Variants in MACF1 observed in about 807,000 individuals in gnomAD.
The protein encoded by MACF1 is microtubule-actin cross-linking factor 1.
MACF1 carries 193 observed loss-of-function variants against 854.8 expected under a neutral mutation model. The observed-to-expected ratio is 0.23, with a 90% CI of 0.20 to 0.25. The LOEUF (loss-of-function observed/expected upper bound fraction) is 0.25, where lower values mean the gene tolerates loss of function less well. Among genes scored for constraint, MACF1 ranks in the 10% least tolerant of loss-of-function variants. The pLI is 1.00. For synonymous variants in MACF1, 3,185 were observed against 3,226.7 expected, an observed-to-expected ratio of 0.99 and a Z score of 0.44; for missense variants, 7,722 against 8,929.1, an observed-to-expected ratio of 0.86 and a Z score of 5.45.
chr1:39,101,666 TA>T (rs1007357336), intron 2 of MACF1, among the ~76,000 whole-genome samples: 1 of 146,114 alleles, frequency 6.8e-6, no homozygotes, highest in Non-Finnish European at 1.5e-5. Context: ...CTACTAAAAA[TA>T]AAAAAAATTA....
chr1:39,186,169 CATCTCTCTCTCT>C lies in MACF1; in HGVS notation c.221-45012_221-45001del, dbSNP rs1644165653. On this transcript the variant is annotated intron_variant, in intron 2 of 93. Transcript: ENST00000361689. ...TCCATGTGGGGGCTGGGATTCTGAA[CATCTCTCTCTCT>C]CTCTCTCTCTCTCTCTCTCTCTCTC... is the stretch of plus-strand genomic sequence containing the variant. Among the ~76,000 whole-genome samples the C allele has an allele frequency of 4.9e-5, 3 of 61,658 alleles. 1 individual carries two copies. Among genetic ancestry groups the C allele is most frequent in the African/African-American group, 5.5e-5 (1 of 18,092 alleles). The allele number at this position is 61,658 out of a possible 152,430, so 40.5% of individuals were successfully genotyped here.
At chr1:39,448,286 G>C in intron 83 of MACF1, 134 bp downstream of exon 83, 1 of 1,046,524 alleles carries the variant, frequency 9.6e-7, no homozygotes. Context: ...GATGAAGCCA[G>C]GGTTCCATTT....
intron 91 of MACF1, 91 bp downstream of exon 91, chr1:39,459,340 T>C: frequency 7.5e-6 from 10 of 1,333,970 alleles, no homozygotes; most frequent in Non-Finnish European, 1.0e-5. Flanking sequence ...GTGAACCTTG[T>C]GTCTTAATTT....
At chr1:39,481,444 G>T (rs1645009775) in intron 99 of MACF1, among the ~76,000 whole-genome samples, 1 of 152,210 alleles carries the variant, frequency 6.6e-6, no homozygotes, top group Non-Finnish European at 1.5e-5. Flanking sequence ...GAACAGAAGA[G>T]TGGTTGGCGC....
chr1:39,191,104 G>A (rs1272704634), intron 2 of MACF1, among the ~76,000 whole-genome samples: 1 of 151,820 alleles, frequency 6.6e-6, no homozygotes, highest in East Asian at 1.9e-4. Context: ...TATAGGTAGG[G>A]AAAAAATGTA....
At position 39,302,990 on chromosome 1, in the gene MACF1, A is replaced by G; in HGVS notation, c.2701A>G (p.Ile901Val). Residue 901 changes from isoleucine to valine, a missense_variant, in exon 23 of 101, where the codon ATC becomes GTC. Coordinates refer to ENST00000564288, the MANE Select transcript of MACF1 (RefSeq NM_001394062.1). ...DNSQRTKWKV[I>V]SPTGNEAMVP... is the part of the protein sequence containing the mutation. ...TTCTCAGCGGACCAAATGGAAAGTG[A>G]TCAGCCCCACAGGGAACGAGGCAAT... The G allele has an allele frequency of 6.2e-7, 1 of 1,614,198 alleles. No individual in the cohort carries two copies.
chr1:39,291,834 T>C, intron 15 of MACF1, 76 bp from the exon 16 acceptor site: 1 of 1,490,360 alleles, frequency 6.7e-7, no homozygotes, highest in Non-Finnish European at 9.0e-7. Flanking sequence ...TGGTTCCTTG[T>C]CCTAACATTG....
chr1:39,387,210 G>T lies in MACF1; in HGVS notation c.14368G>T (p.Ala4790Ser). ...AGCCGATCGCATTAACAGACTCCAG[G>T]CAGCTCTTGCCAGCACCCAGCAGTT... ...LAADRINRLQ[A>S]ALASTQQFQQ... Residue 4790 changes from alanine (A) to serine (S), a missense_variant, in exon 58 of 101, where the codon GCA (alanine) becomes TCA (serine). Physicochemically the swap from Ala to Ser is moderately conservative, Grantham distance 99. This residue lies in a region of MACF1 where 2,807 missense variants were observed against 3,235.8 expected (regional missense o/e 0.87). Coordinates refer to ENST00000564288, the MANE Select transcript of MACF1 (RefSeq NM_001394062.1). The T allele has an allele frequency of 1.2e-6, 2 of 1,613,896 alleles. No individual in the cohort carries two copies. Among genetic ancestry groups the T allele is most frequent in the African/African-American group, 1.3e-5 (1 of 74,996 alleles).
In MACF1 at chr1:39,318,627, A is replaced by G. The variant is rs781155515; in HGVS notation, c.3945+12A>G. On this transcript the variant is annotated intron_variant, in intron 30 of 100. Coordinates refer to ENST00000564288, the MANE Select transcript of MACF1 (RefSeq NM_001394062.1). ...TCAGCCAGCAGACGGTGAGTGTGGT[A>G]GTAGCTCTGGCGAGAAGAGTTAGAA... The G allele has an allele frequency of 1.3e-6, 2 of 1,595,948 alleles. No individual in the cohort carries two copies. Among genetic ancestry groups the G allele is most frequent in the East Asian group, 2.2e-5 (1 of 44,542 alleles).
At chr1:39,471,105 A>C (rs1644768658) in intron 97 of MACF1, among the ~76,000 whole-genome samples, 1 of 151,658 alleles carries the variant, frequency 6.6e-6, no homozygotes, top group Non-Finnish European at 1.5e-5. Flanking sequence ...CCTGGAACTC[A>C]GTAATCATCT....
At chr1:39,274,213 A>G (rs1430888822) in intron 6 of MACF1, among the ~76,000 whole-genome samples, 1 of 151,838 alleles carries the variant, frequency 6.6e-6, no homozygotes, top group Non-Finnish European at 1.5e-5. Flanking sequence ...TAAGAAAAAA[A>G]TTGTATAAAA....
At chr1:39,439,125 A>C in intron 71 of MACF1, 149 bp from the exon 72 acceptor site, 1 of 515,634 alleles carries the variant, frequency 1.9e-6, no homozygotes, top group Non-Finnish European at 3.5e-6. Context: ...TAAAACTAAA[A>C]TAGAAAATTA....
intron 2 of MACF1, among the ~76,000 whole-genome samples, chr1:39,194,741 G>T (rs980996195): frequency 6.7e-6 from 1 of 148,892 alleles, no homozygotes; most frequent in Non-Finnish European, 1.5e-5. Context: ...GTCTAGGCTG[G>T]AGTGCAGTGG....
Position 39,283,055 on chromosome 1 carries a change from T to C in MACF1, c.696-134T>C. ...TACTTAAAAATGGAATTTGTACTCT[T>C]CTAAACCTCCTGCTTTTTCTCTAAC... On this transcript the variant is annotated intron_variant, in intron 7 of 100. Coordinates refer to ENST00000564288, the MANE Select transcript of MACF1 (RefSeq NM_001394062.1). The surrounding 1 kb of genome is among the most constrained non-coding windows in gnomAD (Gnocchi z 4.5). The C allele has an allele frequency of 1.6e-6, 1 of 634,566 alleles. No homozygotes were observed. Among genetic ancestry groups the C allele is most frequent in the Non-Finnish European group, 2.8e-6 (1 of 358,024 alleles). 39.3% of individuals were successfully genotyped at this position (634,566 alleles called of 1,614,324 possible).
chr1:39,418,838 G>A (rs990565997), intron 58 of MACF1, among the ~76,000 whole-genome samples: 1 of 151,970 alleles, frequency 6.6e-6, no homozygotes, highest in Non-Finnish European at 1.5e-5. Flanking sequence ...ACTCCAGCCT[G>A]GGCAACAGTG....
rs544418010 is a variant in MACF1 at position 39,310,744 on chromosome 1, A to G, written c.3101-87A>G. ...TAGGATTAGGCAGAAGATTCCCTAA[A>G]TAAAGCCTTGCTTTCATTAGTAGGA... On this transcript the variant is annotated intron_variant, in intron 25 of 100. Coordinates refer to ENST00000564288, the MANE Select transcript of MACF1 (RefSeq NM_001394062.1). The G allele has an allele frequency of 2.9e-5, 38 of 1,313,152 alleles. 1 individual carries two copies. The South Asian group carries it at 4.9e-4, about 17-fold the overall frequency. 81.3% of individuals were successfully genotyped at this position (1,313,152 alleles called of 1,614,324 possible).
intron 97 of MACF1, among the ~76,000 whole-genome samples, chr1:39,479,058 G>A (rs1644965292): frequency 6.6e-6 from 1 of 152,190 alleles, no homozygotes; most frequent in Admixed American, 6.5e-5. Flanking sequence ...TTCTGGGTGT[G>A]CAGCCCCAGA....
At chr1:39,257,828 A>G in intron 5 of MACF1, 108 bp from the exon 6 acceptor site, 1 of 793,974 alleles carries the variant, frequency 1.3e-6, no homozygotes, top group East Asian at 2.6e-5. Context: ...AGAACTGTAC[A>G]CCAAAAAAGA....
At chr1:39,094,974 G>A (rs766906216) in intron 2 of MACF1, among the ~76,000 whole-genome samples, 1 of 152,152 alleles carries the variant, frequency 6.6e-6, no homozygotes, top group Non-Finnish European at 1.5e-5. Context: ...ATGGAAGAAG[G>A]AATGTGGTGC....
Sources: allele counts gnomAD v4.1 joint callset (sites outside exome capture counted in the v4.1 genomes callset), GRCh38; gene constraint gnomAD v4.1.1; regional missense constraint gnomAD v4.1.1; non-coding constraint Gnocchi (gnomAD v3.1); transcripts MANE v1.5; gene names NCBI Gene and HGNC (gene_info 2026-07-23, HGNC 2026-07-21).